ST6GAL1: variants seen among roughly 807,000 people sequenced by gnomAD.
ST6GAL1 encodes the protein beta-galactoside alpha-2,6-sialyltransferase 1.
Under a neutral mutation model 38.0 loss-of-function variants are expected in ST6GAL1, and 20 were observed. The observed-to-expected ratio is 0.53, with a 90% CI of 0.37 to 0.77. The LOEUF is 0.77. Ranked by LOEUF, ST6GAL1 falls within the 30% of genes least tolerant of loss-of-function variation. The pLI is 0.00. For synonymous variants in ST6GAL1, 196 were observed against 188.2 expected, an observed-to-expected ratio of 1.04 and a Z score of -0.34; for missense variants, 432 against 496.4, an observed-to-expected ratio of 0.87 and a Z score of 1.23.
At chr3:186,955,606 G>A (rs191446453) in intron 1 of ST6GAL1, among the ~76,000 whole-genome samples, 281 of 152,092 alleles carry the variant, frequency 1.8e-3, no homozygotes, top group African/African-American at 6.1e-3. Flanking sequence ...GGGTTCAAGC[G>A]ATTCTCTTGC....
rs1286768881 is a variant in ST6GAL1 at position 187,077,125 on chromosome 3, C to T, written c.*1322C>T. 1.3e-5 allele frequency: 5 copies of T among 397,836 alleles called. No individual in the cohort carries two copies. The highest frequency in any genetic ancestry group is 1.4e-4 in the South Asian group (1 of 7,018). 24.6% of individuals were successfully genotyped at this position (397,836 alleles called of 1,614,324 possible). On this transcript the variant is annotated 3_prime_UTR_variant, in exon 8 of 8. Coordinates refer to ENST00000169298, the MANE Select transcript of ST6GAL1 (RefSeq NM_173216.2). ...TCTCAGAGGTCAGAACCTTGGAGAT[C>T]AGAACTGATTCTCACCAGGTGTGAG...
At chr3:187,055,726 C>T (rs1336864065) in intron 5 of ST6GAL1, among the ~76,000 whole-genome samples, 1 of 152,136 alleles carries the variant, frequency 6.6e-6, no homozygotes, top group Non-Finnish European at 1.5e-5. Context: ...TTACTTCCAA[C>T]TATGTGGTCA....
chr3:187,032,232 A>G (rs995604915), intron 2 of ST6GAL1, among the ~76,000 whole-genome samples: 1 of 152,204 alleles, frequency 6.6e-6, no homozygotes, highest in Non-Finnish European at 1.5e-5. Flanking sequence ...TTTTGAGCAG[A>G]TGCAGTTGAT....
intron 2 of ST6GAL1, among the ~76,000 whole-genome samples, chr3:186,992,510 A>G (rs1173738537): frequency 2.0e-5 from 3 of 152,016 alleles, no homozygotes; most frequent in East Asian, 1.9e-4. Context: ...TAAATAAAAC[A>G]TGGCCGGGCG....
chr3:187,067,077 C>CT (rs1719176608), intron 5 of ST6GAL1, among the ~76,000 whole-genome samples: 3 of 115,262 alleles, frequency 2.6e-5, no homozygotes, highest in South Asian at 3.0e-4. Context: ...TTCTTTCTTT[C>CT]TTTCTTTTTT....
chr3:187,039,701 C>T (rs147933453), intron 3 of ST6GAL1, among the ~76,000 whole-genome samples: 10 of 152,314 alleles, frequency 6.6e-5, no homozygotes, highest in Non-Finnish European at 8.8e-5. Context: ...CCCTCGGTTG[C>T]GCCATTTAGA....
chr3:186,960,365 C>A (rs1714892361), intron 1 of ST6GAL1, among the ~76,000 whole-genome samples: 2 of 152,106 alleles, frequency 1.3e-5, no homozygotes, highest in Admixed American at 6.5e-5. Flanking sequence ...AGAGATAAAA[C>A]AGAGAACAGG....
At chr3:186,958,803 AT>A (rs1180234571) in intron 1 of ST6GAL1, among the ~76,000 whole-genome samples, 1 of 152,054 alleles carries the variant, frequency 6.6e-6, no homozygotes, top group Non-Finnish European at 1.5e-5. Flanking sequence ...AATATCAAAA[AT>A]TAGCCAGGTG....
intron 2 of ST6GAL1, among the ~76,000 whole-genome samples, chr3:187,021,440 C>T (rs1423761154): frequency 6.6e-6 from 1 of 152,020 alleles, no homozygotes; most frequent in African/African-American, 2.4e-5. Flanking sequence ...GACTGTGGGC[C>T]TTACAACCCT....
At chr3:187,064,023 T>G (rs1719011142) in intron 5 of ST6GAL1, among the ~76,000 whole-genome samples, 1 of 152,186 alleles carries the variant, frequency 6.6e-6, no homozygotes, top group South Asian at 2.1e-4. Context: ...CCTGAATGTC[T>G]GCCTCTGCCT....
At chr3:186,940,244 A>G (rs192009761) in intron 1 of ST6GAL1, among the ~76,000 whole-genome samples, 96 of 152,210 alleles carry the variant, frequency 6.3e-4, no homozygotes, top group African/African-American at 2.2e-3. Context: ...TGAAACATAC[A>G]TGTAAGACTG....
chr3:186,962,856 T>C (rs10212404), intron 1 of ST6GAL1, among the ~76,000 whole-genome samples: 51,987 of 152,040 alleles, frequency 0.34, 11,117 homozygotes, highest in Non-Finnish European at 0.49. Context: ...TTGGAGATCC[T>C]TGGGTACGTA....
chr3:187,051,624 C>A, intron 5 of ST6GAL1: 1 of 379,306 alleles, frequency 2.6e-6, no homozygotes, highest in South Asian at 2.6e-5. Flanking sequence ...CAAGGTCATA[C>A]CTGGAGGTTT....
At chr3:187,034,711 A>T (rs377554515) in intron 2 of ST6GAL1, among the ~76,000 whole-genome samples, 1 of 152,178 alleles carries the variant, frequency 6.6e-6, no homozygotes, top group Non-Finnish European at 1.5e-5. Flanking sequence ...AAATCCTTTC[A>T]TCAAAAAAGC....
At chr3:187,068,298 T>TGC (rs1232973778) in intron 5 of ST6GAL1, among the ~76,000 whole-genome samples, 1 of 143,100 alleles carries the variant, frequency 7.0e-6, no homozygotes, top group Non-Finnish European at 1.5e-5. Flanking sequence ...GCCAAGATCG[T>TGC]GCCACTGCAC....
intron 2 of ST6GAL1, among the ~76,000 whole-genome samples, chr3:186,977,956 G>A (rs930166807): frequency 6.6e-6 from 1 of 152,186 alleles, no homozygotes; most frequent in African/African-American, 2.4e-5. Flanking sequence ...GCTCATGCCT[G>A]TAATCCCAGC....
chr3:187,010,325 T>C (rs1716914926), intron 2 of ST6GAL1, among the ~76,000 whole-genome samples: 1 of 152,222 alleles, frequency 6.6e-6, no homozygotes, highest in South Asian at 2.1e-4. Context: ...TTTTTTAGTC[T>C]ATTAATTTGG....
chr3:187,068,166 C>A (rs980340438), intron 5 of ST6GAL1, among the ~76,000 whole-genome samples: 5 of 152,014 alleles, frequency 3.3e-5, no homozygotes, highest in African/African-American at 1.2e-4. Flanking sequence ...CACAGTGAAA[C>A]CCCATCTCTA....
intron 2 of ST6GAL1, among the ~76,000 whole-genome samples, chr3:187,022,360 G>C (rs796646677): frequency 2.0e-4 from 30 of 152,286 alleles, no homozygotes; most frequent in African/African-American, 6.3e-4. Context: ...AGGGACTTGG[G>C]GGGTAGAGGG....
Sources: allele counts gnomAD v4.1 joint callset (sites outside exome capture counted in the v4.1 genomes callset), GRCh38; gene constraint gnomAD v4.1.1; transcripts MANE v1.5; gene names NCBI Gene and HGNC (gene_info 2026-07-23, HGNC 2026-07-21).